The following EDIL3 variants were observed in gnomAD, a reference collection of about 807,000 sequenced individuals.
EDIL3 encodes the protein EGF like and discoidin domains 3.
EDIL3 carries 37 observed loss-of-function variants against 67.4 expected under a neutral mutation model. The observed-to-expected ratio is 0.55, with a 90% CI of 0.42 to 0.72. EDIL3 has a LOEUF of 0.72. Among genes scored for constraint, EDIL3 ranks in the 30% least tolerant of loss-of-function variants. The pLI is 0.00. For synonymous variants in EDIL3, 195 were observed against 196.3 expected, an observed-to-expected ratio of 0.99 and a Z score of 0.05; for missense variants, 527 against 586.3, an observed-to-expected ratio of 0.90 and a Z score of 1.04.
chr5:84,038,660 G>C lies in EDIL3; in HGVS notation c.1137+21640C>G, dbSNP rs555264355. 2.6e-5 allele frequency among the ~76,000 whole-genome samples: 4 copies of C among 152,302 alleles called. No individual in the cohort carries two copies. The South Asian group carries it at 8.3e-4, about 32-fold the overall frequency. On this transcript the variant is annotated intron_variant, in intron 9 of 10. Transcript: ENST00000296591. ...ATAAGGGGTGCTGTTGTTGGTGGTGGGATGTCCCAGCGTTTTTCACTGATA... is the reference window on the plus strand; with the variant it reads ...ATAAGGGGTGCTGTTGTTGGTGGTGCGATGTCCCAGCGTTTTTCACTGATA...
chr5:84,220,845 G>A (rs972279059), intron 3 of EDIL3, among the ~76,000 whole-genome samples: 1 of 152,072 alleles, frequency 6.6e-6, no homozygotes, highest in Non-Finnish European at 1.5e-5. Context: ...TGCCCTCTCT[G>A]GTCATGCATA....
intron 9 of EDIL3, among the ~76,000 whole-genome samples, chr5:83,993,768 C>G (rs970929828): frequency 6.6e-6 from 1 of 152,154 alleles, no homozygotes; most frequent in Non-Finnish European, 1.5e-5. Flanking sequence ...ATAGTGAGAG[C>G]TGACCACTCA....
intron 1 of EDIL3, among the ~76,000 whole-genome samples, chr5:84,342,502 C>T (rs1027878773): frequency 1.3e-5 from 2 of 151,864 alleles, no homozygotes; most frequent in Non-Finnish European, 1.5e-5. Context: ...CTCTGAAAGC[C>T]GTGACTTCAC....
intron 9 of EDIL3, among the ~76,000 whole-genome samples, chr5:83,973,858 A>G (rs959332032): frequency 2.0e-5 from 3 of 152,042 alleles, no homozygotes; most frequent in African/African-American, 7.2e-5. Flanking sequence ...TGGAAAAACC[A>G]CAATTACTTT....
At chr5:84,006,104 A>AATG (rs1290832910) in intron 9 of EDIL3, among the ~76,000 whole-genome samples, 3 of 134,754 alleles carry the variant, frequency 2.2e-5, no homozygotes, top group African/African-American at 3.2e-5. Context: ...TAATAATAAT[A>AATG]ATAATAGTAA....
chr5:84,043,631 T>C (rs552409729), intron 9 of EDIL3, among the ~76,000 whole-genome samples: 2 of 152,344 alleles, frequency 1.3e-5, no homozygotes, highest in African/African-American at 4.8e-5. Flanking sequence ...AACTGGATTT[T>C]TGGGTCAAGT....
Position 84,057,600 on chromosome 5 carries a change from C to T in EDIL3, c.1137+2700G>A, listed in dbSNP as rs1412420084. On this transcript the variant is annotated intron_variant, in intron 9 of 10. Coordinates refer to ENST00000296591, the MANE Select transcript of EDIL3 (RefSeq NM_005711.5). Reference sequence around the variant, plus strand: ...AAGAACCTGAAAACTTCAATGATGGCTATATATTATAAAAATTTAGTTTCC... The same window carrying T: ...AAGAACCTGAAAACTTCAATGATGGTTATATATTATAAAAATTTAGTTTCC... Among the ~76,000 whole-genome samples the T allele has an allele frequency of 2.6e-5, 4 of 152,018 alleles. No individual in the cohort carries two copies. In the South Asian group the frequency reaches 8.3e-4, roughly 31 times the overall value.
In EDIL3 at chr5:83,961,353, ACT is replaced by A. The variant is rs561515922; in HGVS notation, c.1293+1850_1293+1851del. 1.4e-3 allele frequency among the ~76,000 whole-genome samples: 213 copies of A among 151,264 alleles called. 1 individual carries two copies. The highest frequency in any genetic ancestry group is 4.8e-3 in the African/African-American group (201 of 41,452). On this transcript the variant is annotated intron_variant, in intron 10 of 10. Coordinates refer to ENST00000296591, the MANE Select transcript of EDIL3 (RefSeq NM_005711.5). ...AGCAAAGATATAGAAAACCTGAGTA[ACT>A]CTATCAAACGACACAAAAATTTTAT...
intron 9 of EDIL3, chr5:84,047,605 G>A (rs901183363): frequency 1.3e-5 from 2 of 151,912 alleles, no homozygotes; most frequent in African/African-American, 4.8e-5. Context: ...TGATTTCTTT[G>A]GATTCGTCCA....
intron 2 of EDIL3, among the ~76,000 whole-genome samples, chr5:84,237,895 A>C (rs1357576902): frequency 6.6e-6 from 1 of 152,118 alleles, no homozygotes; most frequent in Non-Finnish European, 1.5e-5. Context: ...AAAACTTCCA[A>C]TGTCTGATGT....
At chr5:84,136,158 A>G (rs557773771) in intron 5 of EDIL3, among the ~76,000 whole-genome samples, 1 of 152,226 alleles carries the variant, frequency 6.6e-6, no homozygotes, top group African/African-American at 2.4e-5. Context: ...AGTCTTGAGG[A>G]AAATACACTG....
chr5:84,184,015 A>T (rs1338911274), intron 3 of EDIL3, among the ~76,000 whole-genome samples: 1 of 152,192 alleles, frequency 6.6e-6, no homozygotes, highest in Non-Finnish European at 1.5e-5. Flanking sequence ...CTGAGGCAGG[A>T]GAATTGCTTT....
At chr5:83,989,991 G>T (rs1282058996) in intron 9 of EDIL3, among the ~76,000 whole-genome samples, 1 of 152,098 alleles carries the variant, frequency 6.6e-6, no homozygotes, top group Non-Finnish European at 1.5e-5. Flanking sequence ...AATAAATTTT[G>T]CCAACACTTG....
chr5:83,977,946 A>C (rs1312435371), intron 9 of EDIL3, among the ~76,000 whole-genome samples: 1 of 151,856 alleles, frequency 6.6e-6, no homozygotes, highest in African/African-American at 2.4e-5. Context: ...TTCTGGAAGA[A>C]TCTCCTTCAA....
intron 5 of EDIL3, among the ~76,000 whole-genome samples, chr5:84,132,277 T>A (rs1308384419): frequency 9.1e-6 from 1 of 110,450 alleles, no homozygotes; most frequent in African/African-American, 3.7e-5. Flanking sequence ...ATATCTTTTT[T>A]TCATATATAG....
intron 1 of EDIL3, among the ~76,000 whole-genome samples, chr5:84,274,016 A>G (rs979928701): frequency 3.5e-5 from 4 of 114,060 alleles, no homozygotes; most frequent in Non-Finnish European, 8.7e-5. Context: ...TTTTTCCCCT[A>G]TCTTTGTCCA....
In EDIL3 at chr5:84,034,637, G is replaced by C. The variant is rs537336307; in HGVS notation, c.1137+25663C>G. ...TGTTCATTCATTGGTTATGAGCCTA[G>C]CAGTATGGTTACACCTTTCATAGAT... On this transcript the variant is annotated intron_variant, in intron 9 of 10. Transcript: ENST00000296591. Among the ~76,000 whole-genome samples, 4 of 152,250 alleles carry C rather than the reference G, an allele frequency of 2.6e-5. No individual in the cohort carries two copies. In the East Asian group the frequency reaches 7.7e-4, roughly 29 times the overall value.
At chr5:84,378,455 T>C (rs1470123067) in intron 1 of EDIL3, among the ~76,000 whole-genome samples, 1 of 152,132 alleles carries the variant, frequency 6.6e-6, no homozygotes, top group African/African-American at 2.4e-5. Flanking sequence ...ACTATTCGAG[T>C]CTCCTCTTTG....
At chr5:84,269,912 A>ATTTG (rs1745428840) in intron 1 of EDIL3, among the ~76,000 whole-genome samples, 1 of 152,180 alleles carries the variant, frequency 6.6e-6, no homozygotes, top group African/African-American at 2.4e-5. Flanking sequence ...AATGATGAGA[A>ATTTG]TTTGTAAAGA....
Sources: gnomAD v4.1 joint callset for allele counts (sites outside exome capture counted in the v4.1 genomes callset) on GRCh38, gnomAD v4.1.1 for gene constraint, MANE v1.5 for transcripts, NCBI Gene and HGNC (gene_info 2026-07-23, HGNC 2026-07-21) for gene names.